Variants in PXDNL observed in about 807,000 individuals in gnomAD.
The protein encoded by PXDNL is peroxidasin like.
PXDNL carries 145 observed loss-of-function variants against 150.8 expected under a neutral mutation model. That is an observed-to-expected ratio of 0.96 (90% CI 0.84 to 1.10). PXDNL has a LOEUF of 1.10. Among genes scored for constraint, PXDNL ranks in the 50% least tolerant of loss-of-function variants. PXDNL has a pLI of 0.00. For synonymous variants in PXDNL, 757 were observed against 725.7 expected (o/e 1.04, Z -0.69); for missense variants, 2,087 against 1,873.9 (o/e 1.11, Z -2.10).
At chr8:51,620,877 C>A (rs1814237291) in intron 2 of PXDNL, among the ~76,000 whole-genome samples, 1 of 152,120 alleles carries the variant, frequency 6.6e-6, no homozygotes, top group Non-Finnish European at 1.5e-5. Context: ...AAAATAGTTT[C>A]TTTTGACAAC....
chr8:51,783,995 T>A (rs1455932873), intron 1 of PXDNL, among the ~76,000 whole-genome samples: 2 of 74,828 alleles, frequency 2.7e-5, no homozygotes, highest in African/African-American at 5.1e-5. Flanking sequence ...GATTAAATAT[T>A]TTCTTTCCCC....
chr8:51,622,167 T>G (rs1814272327), intron 2 of PXDNL, among the ~76,000 whole-genome samples: 2 of 152,112 alleles, frequency 1.3e-5, no homozygotes. Flanking sequence ...AAGAGGGGCC[T>G]CTGGTAGCTG....
chr8:51,509,771 C>G (rs891009409), intron 4 of PXDNL, among the ~76,000 whole-genome samples: 62 of 143,890 alleles, frequency 4.3e-4, no homozygotes, highest in African/African-American at 1.5e-3. Context: ...CACACACACA[C>G]ACAAATATAT....
At chr8:51,807,126 A>C (rs1203911288) in intron 1 of PXDNL, among the ~76,000 whole-genome samples, 1 of 151,656 alleles carries the variant, frequency 6.6e-6, no homozygotes. Context: ...CACTGTGATA[A>C]AGAAATACCT....
At chr8:51,473,400 G>C (rs1810394415) in intron 7 of PXDNL, among the ~76,000 whole-genome samples, 1 of 152,018 alleles carries the variant, frequency 6.6e-6, no homozygotes. Flanking sequence ...TCAGTATGGA[G>C]GGATAGGTAG....
intron 4 of PXDNL, among the ~76,000 whole-genome samples, chr8:51,508,204 C>T (rs1447697405): frequency 1.3e-5 from 2 of 152,176 alleles, no homozygotes; most frequent in Admixed American, 1.3e-4. Flanking sequence ...GGCACTAACT[C>T]ACAATCGTCT....
chr8:51,480,689 G>C lies in PXDNL; in HGVS notation c.524+2954C>G, dbSNP rs535544222. ...AGGGTGGGGCCAGCTGAAGATAATT[G>C]AATCATGGGGGTGGTTTCCCCCATA... On this transcript the variant is annotated intron_variant, in intron 6 of 22. Transcript: ENST00000356297. Among the ~76,000 whole-genome samples the C allele has an allele frequency of 2.0e-4, 30 of 152,290 alleles. 1 individual carries two copies. The highest frequency in any genetic ancestry group is 7.0e-4 in the African/African-American group (29 of 41,562).
intron 1 of PXDNL, among the ~76,000 whole-genome samples, chr8:51,714,524 C>G (rs7817291): frequency 0.97 from 147,903 of 152,228 alleles, 71,993 homozygotes; most frequent in South Asian, 1. Flanking sequence ...TTATAATATT[C>G]TGGAAAATGC....
intron 8 of PXDNL, among the ~76,000 whole-genome samples, chr8:51,470,985 G>A (rs2130089144): frequency 6.6e-6 from 1 of 151,824 alleles, no homozygotes; most frequent in African/African-American, 2.4e-5. Flanking sequence ...ATTGACAAAT[G>A]GGATCTAGTT....
chr8:51,550,661 T>C (rs1563460731), intron 4 of PXDNL, among the ~76,000 whole-genome samples: 1 of 152,054 alleles, frequency 6.6e-6, no homozygotes, highest in Non-Finnish European at 1.5e-5. Context: ...TCAGTGAAAT[T>C]TGCATAGAAG....
chr8:51,645,998 A>C (rs1463594893), intron 2 of PXDNL, among the ~76,000 whole-genome samples: 1 of 152,130 alleles, frequency 6.6e-6, no homozygotes, highest in Non-Finnish European at 1.5e-5. Flanking sequence ...AGGGAAAGGA[A>C]AACAAGAGCC....
At chr8:51,757,361 G>A (rs2037113212) in intron 1 of PXDNL, among the ~76,000 whole-genome samples, 1 of 152,308 alleles carries the variant, frequency 6.6e-6, no homozygotes, top group East Asian at 1.9e-4. Context: ...CTGTAAGACA[G>A]CAGGCTCCGC....
intron 12 of PXDNL, among the ~76,000 whole-genome samples, chr8:51,430,630 T>C (rs1251016534): frequency 1.3e-5 from 2 of 151,000 alleles, no homozygotes; most frequent in African/African-American, 2.4e-5. Flanking sequence ...TGTTTTACAC[T>C]AGGGGCTGTG....
intron 2 of PXDNL, among the ~76,000 whole-genome samples, chr8:51,633,984 T>C (rs977768671): frequency 6.6e-6 from 1 of 152,230 alleles, no homozygotes; most frequent in African/African-American, 2.4e-5. Flanking sequence ...TATAGTTTAA[T>C]CAGGTCCTGC....
chr8:51,693,648 T>C (rs1444223762), intron 1 of PXDNL, among the ~76,000 whole-genome samples: 3 of 152,086 alleles, frequency 2.0e-5, no homozygotes, highest in Middle Eastern at 3.2e-3. Flanking sequence ...TGTGCGCCTG[T>C]GGTCCCAGCT....
intron 19 of PXDNL, among the ~76,000 whole-genome samples, chr8:51,360,265 A>G (rs924908664): frequency 6.6e-6 from 1 of 152,156 alleles, no homozygotes; most frequent in Non-Finnish European, 1.5e-5. Flanking sequence ...GTACACATCT[A>G]TGCATGCATA....
intron 2 of PXDNL, among the ~76,000 whole-genome samples, chr8:51,621,996 A>G (rs1483270287): frequency 6.6e-6 from 1 of 151,814 alleles, no homozygotes; most frequent in Non-Finnish European, 1.5e-5. Flanking sequence ...TTTACTAATC[A>G]GTTGACTGAT....
At chr8:51,660,628 T>C (rs554421699) in intron 1 of PXDNL, among the ~76,000 whole-genome samples, 6 of 152,278 alleles carry the variant, frequency 3.9e-5, no homozygotes, top group African/African-American at 1.4e-4. Context: ...GATCTGTACC[T>C]GGGCCAAAAG....
At chr8:51,712,728 C>T (rs1417530792) in intron 1 of PXDNL, among the ~76,000 whole-genome samples, 2 of 152,150 alleles carry the variant, frequency 1.3e-5, no homozygotes, top group African/African-American at 4.8e-5. Flanking sequence ...ACAGACAAAT[C>T]TAGATTAAAC....
Sources: gnomAD v4.1 joint callset for allele counts (sites outside exome capture counted in the v4.1 genomes callset) on GRCh38, gnomAD v4.1.1 for gene constraint, MANE v1.5 for transcripts, NCBI Gene and HGNC (gene_info 2026-07-23, HGNC 2026-07-21) for gene names.